Variants in CA1 observed in about 807,000 individuals in gnomAD.
The protein encoded by CA1 is carbonic anhydrase 1.
Under a neutral mutation model 28.8 loss-of-function variants are expected in CA1, and 27 were observed. The ratio of observed to expected loss-of-function variants is 0.94; its 90% CI spans 0.69 to 1.29. The LOEUF (loss-of-function observed/expected upper bound fraction) is 1.29. CA1 is among the 50% of genes most tolerant of loss of function. The pLI, the probability that CA1 is intolerant of heterozygous loss-of-function variation, is 0.00. For missense variants in CA1, 335 were observed against 310.5 expected, an observed-to-expected ratio of 1.08 and a Z score of -0.59; for synonymous variants, 121 against 108.8, an observed-to-expected ratio of 1.11 and a Z score of -0.70.
chr8:85,369,608 A>G (rs867503487), intron 1 of CA1, among the ~76,000 whole-genome samples: 5 of 152,206 alleles, frequency 3.3e-5, no homozygotes, highest in African/African-American at 1.2e-4. Context: ...TAGCCAGAGC[A>G]GCTTCCCGTG....
chr8:85,351,121 C>T (rs1809394918), intron 1 of CA1, among the ~76,000 whole-genome samples: 1 of 152,136 alleles, frequency 6.6e-6, no homozygotes, highest in Admixed American at 6.5e-5. Flanking sequence ...CTAGTCCTCC[C>T]CCAACTTCTG....
chr8:85,356,190 C>T (rs1336061534), intron 1 of CA1, among the ~76,000 whole-genome samples: 3 of 152,118 alleles, frequency 2.0e-5, no homozygotes, highest in Non-Finnish European at 4.4e-5. Context: ...AAGAAAATGC[C>T]TTCTACACAC....
At chr8:85,349,049 G>A (rs1027692518) in intron 1 of CA1, among the ~76,000 whole-genome samples, 1 of 152,020 alleles carries the variant, frequency 6.6e-6, no homozygotes, top group African/African-American at 2.4e-5. Flanking sequence ...TAATAAATGG[G>A]GAAGGAATAA....
Position 85,372,057 on chromosome 8 carries a change from G to A in CA1, c.-25+5989C>T, listed in dbSNP as rs185963080. ...TTGCCACTTTTTAAGTGCAGACTACGTGCTAATGGTTTCACATATATTATT... is the reference window on the plus strand; with the variant it reads ...TTGCCACTTTTTAAGTGCAGACTACATGCTAATGGTTTCACATATATTATT... On this transcript the variant is annotated intron_variant, in intron 1 of 7. Coordinates refer to ENST00000523022, the MANE Select transcript of CA1 (RefSeq NM_001128831.4). 3.0e-3 allele frequency among the ~76,000 whole-genome samples: 459 copies of A among 152,204 alleles called. 3 individuals are homozygous for A. Among genetic ancestry groups the A allele is most frequent in the African/African-American group, 0.01 (422 of 41,534 alleles).
intron 1 of CA1, among the ~76,000 whole-genome samples, chr8:85,356,131 T>A (rs1202756705): frequency 1.3e-5 from 2 of 152,194 alleles, no homozygotes; most frequent in Non-Finnish European, 2.9e-5. Flanking sequence ...ACCTTGAGAT[T>A]AAAAACACAT....
chr8:85,367,394 G>A (rs1810050155), intron 1 of CA1, among the ~76,000 whole-genome samples: 1 of 152,134 alleles, frequency 6.6e-6, no homozygotes, highest in African/African-American at 2.4e-5. Flanking sequence ...AAATGTACTT[G>A]TTTGAAAAAA....
chr8:85,336,957 T>TGTATG lies in CA1; in HGVS notation c.341_342insCATAC (p.Lys114AsnfsTer10). 6.3e-7 allele frequency: 1 copy of TGTATG among 1,597,464 alleles called. No individual in the cohort carries two copies. Among genetic ancestry groups the TGTATG allele is most frequent in the Admixed American group, 1.7e-5 (1 of 59,988 alleles). On this transcript the variant is annotated frameshift_variant, in exon 4 of 8. Coordinates refer to ENST00000523022, the MANE Select transcript of CA1 (RefSeq NM_001128831.4). LOFTEE classifies it high-confidence loss of function. ...TAAATTACATTACCTCGGCAGAATA[T>TGTATG]TTGACTCCATCCACTGTATGTTCTG... is the stretch of plus-strand genomic sequence containing the variant.
chr8:85,339,768 A>T (rs1231923291), intron 2 of CA1, among the ~76,000 whole-genome samples: 2 of 152,254 alleles, frequency 1.3e-5, no homozygotes, highest in African/African-American at 4.8e-5. Context: ...GCAAAGCAGC[A>T]TTATTGCTGA....
chr8:85,343,016 A>T (rs1808989839), intron 1 of CA1: 1 of 152,202 alleles, frequency 6.6e-6, no homozygotes, highest in African/African-American at 2.4e-5. Flanking sequence ...ATATTGCTTA[A>T]AAGAGAATTC....
rs1293685780 is a variant in CA1, at chr8:85,334,610, T to TCCTC, written c.355-994_355-991dup. ...TCCCTTCCTCCCTCCCTCCCTTCCT[T>TCCTC]CCTCCCTCCCTTCCTTCCTTCCTCC... is the stretch of plus-strand genomic sequence containing the variant. On this transcript the variant is annotated intron_variant, in intron 4 of 7. Transcript: ENST00000523022. 2.7e-5 allele frequency among the ~76,000 whole-genome samples: 4 copies of TCCTC among 148,764 alleles called. No individual in the cohort carries two copies. The Middle Eastern group carries it at 0.01, about 382-fold the overall frequency.
chr8:85,335,401 G>T (rs1808608120), intron 4 of CA1, among the ~76,000 whole-genome samples: 2 of 152,144 alleles, frequency 1.3e-5, no homozygotes, highest in Admixed American at 1.3e-4. Context: ...TATTAAGATA[G>T]ATACTAATGC....
chr8:85,342,175 A>G (rs1293942563), intron 1 of CA1, among the ~76,000 whole-genome samples: 1 of 152,126 alleles, frequency 6.6e-6, no homozygotes, highest in Non-Finnish European at 1.5e-5. Context: ...TGTTATTTAT[A>G]ATGATACATT....
chr8:85,350,374 C>T (rs937503146), intron 1 of CA1, among the ~76,000 whole-genome samples: 1 of 152,082 alleles, frequency 6.6e-6, no homozygotes, highest in Non-Finnish European at 1.5e-5. Context: ...ACTTGAAAGG[C>T]GCTGCATTTC....
intron 1 of CA1, among the ~76,000 whole-genome samples, chr8:85,362,709 G>A (rs1809845460): frequency 6.6e-6 from 1 of 152,060 alleles, no homozygotes; most frequent in Non-Finnish European, 1.5e-5. Flanking sequence ...TGTACGAATA[G>A]TTTCATTACT....
At chr8:85,335,209 T>C (rs1001869531) in intron 4 of CA1, among the ~76,000 whole-genome samples, 43 of 152,164 alleles carry the variant, frequency 2.8e-4, no homozygotes, top group Non-Finnish European at 5.6e-4. Flanking sequence ...TGAATAGTCA[T>C]ACTGCCATTT....
intron 1 of CA1, among the ~76,000 whole-genome samples, chr8:85,375,262 C>T (rs997862949): frequency 1.3e-5 from 2 of 152,028 alleles, no homozygotes; most frequent in Non-Finnish European, 2.9e-5. Flanking sequence ...ATGAGAGAAA[C>T]CTAATTAGAC....
At chr8:85,367,084 A>G (rs975939518) in intron 1 of CA1, among the ~76,000 whole-genome samples, 2 of 152,050 alleles carry the variant, frequency 1.3e-5, no homozygotes, top group African/African-American at 4.8e-5. Flanking sequence ...AGAATTTCAG[A>G]GACAGATTAT....
rs1808253323 is a variant in CA1, at chr8:85,328,324, C to T, written c.*236G>A. The T allele has an allele frequency of 3.3e-6, 1 of 303,300 alleles. No individual in the cohort carries two copies. Among genetic ancestry groups the T allele is most frequent in the Admixed American group, 4.6e-5 (1 of 21,600 alleles). The allele number at this position is 303,300 out of a possible 1,614,324, so 18.8% of individuals were successfully genotyped here. ...ATTTTAAAGAATTCCTCAAACTAAA[C>T]TTGAATTTAAGCATAAGCTTATGCT... On this transcript the variant is annotated 3_prime_UTR_variant, in exon 8 of 8. Coordinates refer to ENST00000523022, the MANE Select transcript of CA1 (RefSeq NM_001128831.4).
At chr8:85,333,471 A>G in intron 5 of CA1, 54 bp downstream of exon 5, 1 of 1,059,060 alleles carries the variant, frequency 9.4e-7, no homozygotes, top group Non-Finnish European at 1.5e-6. Flanking sequence ...TTCTATTTTG[A>G]GGTCTAATTG....
Sources: gnomAD v4.1 joint callset for allele counts (sites outside exome capture counted in the v4.1 genomes callset) on GRCh38, gnomAD v4.1.1 for gene constraint, MANE v1.5 for transcripts, NCBI Gene and HGNC (gene_info 2026-07-23, HGNC 2026-07-21) for gene names.